Variants in IQCM observed in about 807,000 individuals in gnomAD.
The protein encoded by IQCM is IQ domain-containing protein M.
Under a neutral mutation model 57.6 loss-of-function variants are expected in IQCM, and 45 were observed. The observed-to-expected ratio is 0.78, with a 90% CI of 0.62 to 1.00. The LOEUF (loss-of-function observed/expected upper bound fraction) is 1.00. IQCM is among the 50% of genes least tolerant of loss of function. The pLI is 0.00. For synonymous variants in IQCM, 148 were observed against 158.9 expected (o/e 0.93, Z 0.51); for missense variants, 468 against 511.6 (o/e 0.91, Z 0.82).
At chr4:149,363,856 A>G (rs1729657788) in intron 13 of IQCM, among the ~76,000 whole-genome samples, 1 of 152,216 alleles carries the variant, frequency 6.6e-6, no homozygotes, top group African/African-American at 2.4e-5. Context: ...GCCCTCAAGC[A>G]GAAAAACCCA....
At chr4:149,431,393 T>G (rs1187028999) in intron 13 of IQCM, among the ~76,000 whole-genome samples, 1 of 152,034 alleles carries the variant, frequency 6.6e-6, no homozygotes, top group East Asian at 1.9e-4. Context: ...CACTGTGGTT[T>G]AATTCACGTT....
intron 7 of IQCM, among the ~76,000 whole-genome samples, chr4:149,670,526 T>C (rs558078909): frequency 6.6e-6 from 1 of 152,128 alleles, no homozygotes; most frequent in Non-Finnish European, 1.5e-5. Flanking sequence ...TGAATAGGAG[T>C]GGTGAGAGAG....
intron 2 of IQCM, among the ~76,000 whole-genome samples, chr4:149,800,732 C>G (rs1467890698): frequency 6.6e-6 from 1 of 151,560 alleles, no homozygotes; most frequent in South Asian, 2.1e-4. Context: ...CAAAAAGTAA[C>G]CTCATTTAAA....
intron 12 of IQCM, among the ~76,000 whole-genome samples, chr4:149,487,382 A>G (rs1341900831): frequency 1.3e-5 from 2 of 152,112 alleles, no homozygotes; most frequent in African/African-American, 4.8e-5. Flanking sequence ...TGCAAACTAC[A>G]CTGCCTGGGA....
At chr4:149,541,770 A>G (rs1185069664) in intron 12 of IQCM, among the ~76,000 whole-genome samples, 1 of 151,174 alleles carries the variant, frequency 6.6e-6, no homozygotes, top group Non-Finnish European at 1.5e-5. Flanking sequence ...ATAAAGAATG[A>G]AAAAAAAAGA....
intron 13 of IQCM, among the ~76,000 whole-genome samples, chr4:149,405,313 T>C (rs1732900864): frequency 1.3e-5 from 2 of 152,010 alleles, no homozygotes; most frequent in South Asian, 2.1e-4. Context: ...TTTTAAACAC[T>C]TTTCTTGGTT....
intron 13 of IQCM, among the ~76,000 whole-genome samples, chr4:149,416,137 C>G (rs1333739296): frequency 1.3e-5 from 2 of 152,086 alleles, no homozygotes; most frequent in African/African-American, 4.8e-5. Context: ...CTGGTTAGCA[C>G]TAACCAACCC....
intron 2 of IQCM, among the ~76,000 whole-genome samples, chr4:149,766,238 A>T (rs1046413802): frequency 6.6e-6 from 1 of 152,140 alleles, no homozygotes; most frequent in East Asian, 1.9e-4. Flanking sequence ...GAGATGCTCA[A>T]GTTAAAGCAA....
chr4:149,571,996 C>A (rs879676459), intron 9 of IQCM, among the ~76,000 whole-genome samples: 1 of 152,000 alleles, frequency 6.6e-6, no homozygotes, highest in Admixed American at 6.6e-5. Flanking sequence ...GCACTAATCT[C>A]CAAAATAACT....
intron 3 of IQCM, 42 bp downstream of exon 3, chr4:149,742,613 G>C (rs1767560873): frequency 2.6e-6 from 3 of 1,154,852 alleles, no homozygotes; most frequent in Middle Eastern, 3.2e-4. Flanking sequence ...AACAGTTGGA[G>C]TGTTATGACT....
intron 12 of IQCM, among the ~76,000 whole-genome samples, chr4:149,532,095 G>C (rs1026073713): frequency 6.6e-6 from 1 of 151,908 alleles, no homozygotes; most frequent in East Asian, 1.9e-4. Context: ...CTCATGCTTG[G>C]CCGGCTCTGC....
At chr4:149,584,311 T>A (rs1412282917) in intron 9 of IQCM, among the ~76,000 whole-genome samples, 1 of 151,538 alleles carries the variant, frequency 6.6e-6, no homozygotes, top group African/African-American at 2.4e-5. Context: ...AATTTGAAAA[T>A]GTGTCATTTA....
intron 13 of IQCM, among the ~76,000 whole-genome samples, chr4:149,383,406 T>C (rs1731209038): frequency 6.6e-6 from 1 of 152,206 alleles, no homozygotes; most frequent in Admixed American, 6.6e-5. Context: ...AAAACTGTTA[T>C]ACCACATGAA....
At chr4:149,480,196 A>G (rs1740631832) in intron 12 of IQCM, among the ~76,000 whole-genome samples, 2 of 152,120 alleles carry the variant, frequency 1.3e-5, no homozygotes, top group African/African-American at 4.8e-5. Context: ...TTGTGAGTAC[A>G]CAGTAGGTGT....
chr4:149,630,525 C>A (rs1757172917), intron 7 of IQCM, among the ~76,000 whole-genome samples: 1 of 151,980 alleles, frequency 6.6e-6, no homozygotes, highest in African/African-American at 2.4e-5. Context: ...GAAAAGGAAG[C>A]AATAATTAAT....
At chr4:149,712,349 C>T (rs1173267455) in intron 5 of IQCM, among the ~76,000 whole-genome samples, 1 of 122,856 alleles carries the variant, frequency 8.1e-6, no homozygotes, top group African/African-American at 4.8e-5. Flanking sequence ...TCAATGTTCA[C>T]ACACACACAC....
intron 12 of IQCM, among the ~76,000 whole-genome samples, chr4:149,480,793 G>T (rs1490718497): frequency 6.6e-6 from 1 of 152,106 alleles, no homozygotes; most frequent in Non-Finnish European, 1.5e-5. Context: ...GGGAATGCTG[G>T]ATCCTATAGT....
At chr4:149,648,649 C>CA (rs929889516) in intron 7 of IQCM, among the ~76,000 whole-genome samples, 4 of 151,806 alleles carry the variant, frequency 2.6e-5, no homozygotes, top group East Asian at 1.9e-4. Context: ...ACTGCAAGGA[C>CA]AAAAAACCAA....
chr4:149,745,527 T>C (rs1767846170), intron 2 of IQCM, among the ~76,000 whole-genome samples: 1 of 152,188 alleles, frequency 6.6e-6, no homozygotes. Flanking sequence ...ACCCTTTCTT[T>C]TACAGTAGAT....
Sources: gnomAD v4.1 joint callset for allele counts (sites outside exome capture counted in the v4.1 genomes callset) on GRCh38, gnomAD v4.1.1 for gene constraint, MANE v1.5 for transcripts, NCBI Gene and HGNC (gene_info 2026-07-23, HGNC 2026-07-21) for gene names.